Variants in CHIT1 observed in about 807,000 individuals in gnomAD.
CHIT1 encodes chitinase 1.
CHIT1 carries 47 observed loss-of-function variants against 52.0 expected under a neutral mutation model. The observed-to-expected ratio is 0.90, with a 90% confidence interval of 0.71 to 1.15. CHIT1 has a LOEUF of 1.15. Among genes scored for constraint, CHIT1 ranks in the 50% most tolerant of loss-of-function variants. The pLI is 0.00. For missense variants in CHIT1, 569 were observed against 583.0 expected, an observed-to-expected ratio of 0.98 and a Z score of 0.25; for synonymous variants, 242 against 228.2, an observed-to-expected ratio of 1.06 and a Z score of -0.54.
chr1:203,229,771 G>A, upstream of CHIT1: 1 of 978,326 alleles, frequency 1.0e-6, no homozygotes, highest in Non-Finnish European at 1.6e-6. Context: ...GATGGGAGCA[G>A]GGTGGGGAGG....
chr1:203,223,024 T>C, intron 6 of CHIT1, 111 bp downstream of exon 6: 1 of 1,461,916 alleles, frequency 6.8e-7, no homozygotes, highest in Middle Eastern at 1.7e-4. Context: ...GGATGGGACT[T>C]TCCAAATGCC....
At chr1:203,218,265 T>A (rs2102231001) in intron 9 of CHIT1, among the ~76,000 whole-genome samples, 1 of 152,290 alleles carries the variant, frequency 6.6e-6, no homozygotes, top group South Asian at 2.1e-4. Flanking sequence ...ACAACTCAGA[T>A]TTCCAAAAGA....
In CHIT1 at chr1:203,225,118, G is replaced by A. The variant is rs1257029148; in HGVS notation, c.258-14C>T. The stretch of plus-strand genomic sequence containing the variant: ...AGCTTGGGATTCCTGGGAAAGACAG[G>A]AGACACAGCAGGATTTACTCTGCCA... On this transcript the variant is annotated splice_polypyrimidine_tract_variant and intron_variant, in intron 3 of 10. Coordinates refer to ENST00000367229, the MANE Select transcript of CHIT1 (RefSeq NM_003465.3). The A allele has an allele frequency of 6.2e-7, 1 of 1,613,654 alleles. No individual in the cohort carries two copies. The highest frequency in any genetic ancestry group is 8.5e-7 in the Non-Finnish European group (1 of 1,179,846).
intron 9 of CHIT1, 135 bp from the exon 10 acceptor site, chr1:203,218,000 G>A: frequency 3.9e-6 from 6 of 1,536,012 alleles, no homozygotes; most frequent in Non-Finnish European, 5.2e-6. Context: ...AGATTCTGGA[G>A]ACAGCCTTGG....
intron 10 of CHIT1, 116 bp from the exon 11 acceptor site, chr1:203,217,249 G>A (rs1007939327): frequency 1.3e-6 from 2 of 1,584,564 alleles, no homozygotes; most frequent in Non-Finnish European, 1.7e-6. Flanking sequence ...ATGCCCTACA[G>A]GCTGAGTACA....
chr1:203,222,908 A>C (rs1370150710), intron 6 of CHIT1, among the ~76,000 whole-genome samples: 1 of 152,162 alleles, frequency 6.6e-6, no homozygotes, highest in African/African-American at 2.4e-5. Flanking sequence ...AAAATGAAGG[A>C]TCTGGAACAG....
In CHIT1 at chr1:203,218,030, A is replaced by G. The variant is rs762310177; in HGVS notation, c.1030-165T>C. 2.7e-5 allele frequency: 42 copies of G among 1,532,506 alleles called. No individual in the cohort carries two copies. The South Asian group carries it at 4.8e-4, about 18-fold the overall frequency. The allele number at this position is 1,532,506 out of a possible 1,614,324, so 94.9% of individuals were successfully genotyped here. ...CCTTGGGCTGGGAGCCTGGATGCTG[A>G]GTCCTCATGCTGCTTGGACATCAGT... On this transcript the variant is annotated intron_variant, in intron 9 of 10. Coordinates refer to ENST00000367229, the MANE Select transcript of CHIT1 (RefSeq NM_003465.3).
chr1:203,229,476 G>T, intron 1 of CHIT1, 136 bp downstream of exon 1: 1 of 947,530 alleles, frequency 1.1e-6, no homozygotes, highest in Non-Finnish European at 1.7e-6. Flanking sequence ...AGGAGGCATG[G>T]AGAGGGATAA....
chr1:203,219,860 AG>A lies in CHIT1; in HGVS notation c.730-12del. 1 of 1,611,854 alleles carries A rather than the reference AG, an allele frequency of 6.2e-7. No individual in the cohort carries two copies. Among genetic ancestry groups the A allele is most frequent in the South Asian group, 1.1e-5 (1 of 90,972 alleles). On this transcript the variant is annotated splice_polypyrimidine_tract_variant and intron_variant, in intron 7 of 10. Coordinates refer to ENST00000367229, the MANE Select transcript of CHIT1 (RefSeq NM_003465.3). Reference sequence around the variant, plus strand: ...TTGCACAGCAGCATCCTGGTGGAAGAGGGCAGGGTTAATTTTCTCAGCCCTC... The same window carrying A: ...TTGCACAGCAGCATCCTGGTGGAAGAGGCAGGGTTAATTTTCTCAGCCCTC...
rs1656739719 is a variant in CHIT1, at chr1:203,221,642, T to TA, written c.729+559dup. Among the ~76,000 whole-genome samples the TA allele has an allele frequency of 3.3e-5, 5 of 151,800 alleles. 1 individual carries two copies. In the South Asian group the frequency reaches 1.0e-3, roughly 32 times the overall value. Reference sequence around the variant, plus strand: ...TCTCTTAAGAATAAATATATAAAATTAAAAAAAATTAAAAGTGTCTTGATT... The same window carrying TA: ...TCTCTTAAGAATAAATATATAAAATTAAAAAAAAATTAAAAGTGTCTTGATT... On this transcript the variant is annotated intron_variant, in intron 7 of 10. Transcript: ENST00000367229.
Position 203,222,621 on chromosome 1 carries a change from G to A in CHIT1, c.606-296C>T, listed in dbSNP as rs57927931. 3.0e-3 allele frequency among the ~76,000 whole-genome samples: 460 copies of A among 152,266 alleles called. 3 individuals are homozygous for A. Among genetic ancestry groups the A allele is most frequent in the African/African-American group, 0.01 (431 of 41,548 alleles). On this transcript the variant is annotated intron_variant, in intron 6 of 10. Transcript: ENST00000367229. ...AAAACTCCTGCTACATTGCTATTCT[G>A]GAGGGAACTCTAGCTTAGGGTTTCT...
chr1:203,219,408 T>C lies in CHIT1; in HGVS notation c.916-79A>G, dbSNP rs1656651480. On this transcript the variant is annotated intron_variant, in intron 8 of 10. Coordinates refer to ENST00000367229, the MANE Select transcript of CHIT1 (RefSeq NM_003465.3). Reference sequence around the variant, plus strand: ...CTTCCCTTCCTCACCAGGAGGAGACTAGAGATTGGAAAATTCCTGTCTGAG... The same window carrying C: ...CTTCCCTTCCTCACCAGGAGGAGACCAGAGATTGGAAAATTCCTGTCTGAG... The C allele has an allele frequency of 2.1e-5, 20 of 959,318 alleles. No homozygotes were observed. The South Asian group carries it at 2.4e-4, about 12-fold the overall frequency. 59.4% of individuals were successfully genotyped at this position (959,318 alleles called of 1,614,324 possible). A position where few individuals can be genotyped will look rare whatever the true frequency, so the allele number is the denominator to read the frequency against.
chr1:203,216,124 C>T lies in CHIT1; in HGVS notation c.*765G>A, dbSNP rs1281813541. On this transcript the variant is annotated 3_prime_UTR_variant, in exon 11 of 11. Transcript: ENST00000367229. ...TTAACCAGGACACCGTGTGCATGCT[C>T]TCTGGCCCATTTCAGGCCTTGGTTC... The T allele has an allele frequency of 2.2e-6, 1 of 454,162 alleles. No individual in the cohort carries two copies. The highest frequency in any genetic ancestry group is 1.6e-5 in the South Asian group (1 of 64,480). The allele number at this position is 454,162 out of a possible 1,614,324, so 28.1% of individuals were successfully genotyped here.
chr1:203,229,006 C>T (rs1334479456), intron 1 of CHIT1, among the ~76,000 whole-genome samples: 2 of 152,188 alleles, frequency 1.3e-5, no homozygotes, highest in Non-Finnish European at 2.9e-5. Flanking sequence ...CTGCTCCCAT[C>T]GTTTATGGCT....
chr1:203,219,845 G>A lies in CHIT1; in HGVS notation c.734C>T (p.Ala245Val). ...CTTCTGCAGCCACTGTTGCACAGCAGCATCCTGGTGGAAGAGGGCAGGGTT... is the reference window on the plus strand; with the variant it reads ...CTTCTGCAGCCACTGTTGCACAGCAACATCCTGGTGGAAGAGGGCAGGGTT... ...SGAAASLNVDAAVQQWLQKGT... is the reference protein window; with the variant it reads ...SGAAASLNVDVAVQQWLQKGT... The change falls in exon 8 of 11, where the codon GCT becomes GTT. Residue 245 changes from alanine (A) to valine (V), a missense_variant. Coordinates refer to ENST00000367229, the MANE Select transcript of CHIT1 (RefSeq NM_003465.3). 1 of 1,612,038 alleles carries A rather than the reference G, an allele frequency of 6.2e-7. No individual in the cohort carries two copies. The highest frequency in any genetic ancestry group is 1.3e-5 in the African/African-American group (1 of 74,976).
Position 203,216,938 on chromosome 1 carries a change from G to A in CHIT1, c.1352C>T (p.Pro451Leu), listed in dbSNP as rs200995061. 8.7e-6 allele frequency: 14 copies of A among 1,614,166 alleles called. No homozygotes were observed. Among genetic ancestry groups the A allele is most frequent in the Middle Eastern group, 1.7e-4 (1 of 6,060 alleles). The change falls in exon 11 of 11, where the codon CCG (proline) becomes CTG (leucine). Residue 451 changes from proline to leucine, a missense_variant. Pro to Leu is a moderately conservative substitution (Grantham distance 98). Coordinates refer to ENST00000367229, the MANE Select transcript of CHIT1 (RefSeq NM_003465.3). ...AAGRLFQQSC[P>L]TGLVFSNSCK... is the part of the protein sequence containing the mutation. ...GGAGTTGCTGAACACCAGGCCTGTC[G>A]GGCAGCTTTGCTGGAACAGCCGCCC...
chr1:203,224,995 C>T, intron 4 of CHIT1, 53 bp downstream of exon 4: 1 of 1,531,130 alleles, frequency 6.5e-7, no homozygotes, highest in Non-Finnish European at 9.1e-7. Context: ...CTGGCCAGTG[C>T]ACCAGGTTCC....
chr1:203,223,450 T>C, intron 5 of CHIT1, 45 bp downstream of exon 5: 1 of 1,611,812 alleles, frequency 6.2e-7, no homozygotes, highest in Non-Finnish European at 8.5e-7. Flanking sequence ...GCTCCAGCTC[T>C]GGGTCCCTGC....
chr1:203,219,633 C>T (rs771555300), intron 8 of CHIT1, 31 bp downstream of exon 8: 1 of 1,612,524 alleles, frequency 6.2e-7, no homozygotes, highest in Admixed American at 1.7e-5. Context: ...CTGACCCTCA[C>T]AATACCCAGG....
Sources: gnomAD v4.1 joint callset for allele counts (sites outside exome capture counted in the v4.1 genomes callset) on GRCh38, gnomAD v4.1.1 for gene constraint, MANE v1.5 for transcripts, NCBI Gene and HGNC (gene_info 2026-07-23, HGNC 2026-07-21) for gene names.